Variants in UBQLN1 observed in about 807,000 individuals in gnomAD.
UBQLN1 encodes ubiquilin-1.
Under a neutral mutation model 65.4 loss-of-function variants are expected in UBQLN1, and 13 were observed. The observed-to-expected ratio is 0.20, with a 90% CI of 0.13 to 0.32. UBQLN1 has a LOEUF of 0.32. Among genes scored for constraint, UBQLN1 ranks in the 10% least tolerant of loss-of-function variants. The pLI is 1.00. For synonymous variants in UBQLN1, 267 were observed against 247.8 expected (o/e 1.08, Z -0.73); for missense variants, 561 against 724.0 (o/e 0.77, Z 2.58).
chr9:83,671,598 G>C (rs140299371), intron 6 of UBQLN1, among the ~76,000 whole-genome samples: 1 of 152,088 alleles, frequency 6.6e-6, no homozygotes, highest in Admixed American at 6.5e-5. Context: ...CCTTAGCAAC[G>C]TCTCACCAGT....
At chr9:83,684,765 G>A (rs376149795) in intron 2 of UBQLN1, among the ~76,000 whole-genome samples, 1 of 147,398 alleles carries the variant, frequency 6.8e-6, no homozygotes, top group African/African-American at 2.5e-5. Flanking sequence ...AGCTGAGATC[G>A]CACCGTTGCA....
At position 83,670,476 on chromosome 9, in the gene UBQLN1, T is replaced by C. The variant is rs117608988; in HGVS notation, c.1106-1149A>G. The stretch of plus-strand genomic sequence containing the variant: ...AAAGCAAGTCACACACATTTTTTGG[T>C]TTCCCAGCGCATACAAAAGTTGTTT... On this transcript the variant is annotated intron_variant, in intron 6 of 10. Transcript: ENST00000376395. Among the ~76,000 whole-genome samples the C allele has an allele frequency of 8.9e-3, 1,348 of 152,256 alleles. 14 individuals are homozygous for C. Among genetic ancestry groups the C allele is most frequent in the Non-Finnish European group, 0.015 (1,053 of 68,022 alleles).
At chr9:83,679,669 C>G in intron 4 of UBQLN1, 106 bp downstream of exon 4, 1 of 1,236,422 alleles carries the variant, frequency 8.1e-7, no homozygotes, top group Non-Finnish European at 1.1e-6. Flanking sequence ...AAGGATTTCT[C>G]TCTTTAGCTT....
intron 1 of UBQLN1, among the ~76,000 whole-genome samples, chr9:83,686,706 A>G (rs1757532561): frequency 6.6e-6 from 1 of 152,166 alleles, no homozygotes; most frequent in Non-Finnish European, 1.5e-5. Context: ...AGTTGAATAC[A>G]GTATACACAG....
intron 9 of UBQLN1, 126 bp from the exon 10 acceptor site, chr9:83,664,169 T>G: frequency 1.0e-6 from 1 of 960,988 alleles, no homozygotes; most frequent in Non-Finnish European, 1.5e-6. Context: ...CCTGGTGCAG[T>G]GGCTCATTCT....
At chr9:83,668,283 T>C (rs1032108400) in intron 7 of UBQLN1, 1 of 984,624 alleles carries the variant, frequency 1.0e-6, no homozygotes, top group Non-Finnish European at 1.2e-6. Context: ...TTTTAGAATT[T>C]AGAAAATAAA....
intron 8 of UBQLN1, 67 bp from the exon 9 acceptor site, chr9:83,665,212 T>G (rs1831625222): frequency 8.2e-7 from 1 of 1,224,330 alleles, no homozygotes; most frequent in African/African-American, 1.5e-5. Context: ...TTTTAAATCT[T>G]TTCTCTGTTA....
Position 83,707,675 on chromosome 9 carries a change from G to T in UBQLN1, c.5C>A (p.Ala2Asp). 6.5e-7 allele frequency: 1 copy of T among 1,544,704 alleles called. No homozygotes were observed. Residue 2 changes from alanine to aspartate, a missense_variant, in exon 1 of 11, where the codon GCC becomes GAC. Physicochemically the swap from Ala to Asp is moderately radical, Grantham distance 126. Around this residue, in one of 8 missense-constraint regions of UBQLN1, gnomAD observed 101 missense variants for 104.9 expected, o/e 0.96. Coordinates refer to ENST00000376395, the MANE Select transcript of UBQLN1 (RefSeq NM_013438.5). ...AGGACCGCCGCTTTCACCACTCTCG[G>T]CCATGGCTGTGGCGGCGGCGGCGGC... M[A>D]ESGESGGPPG...
chr9:83,666,238 G>A (rs1329337511), intron 8 of UBQLN1, 112 bp downstream of exon 8: 7 of 938,652 alleles, frequency 7.5e-6, no homozygotes, highest in Non-Finnish European at 1.2e-5. Flanking sequence ...AGCATTATTG[G>A]TCTCTATTCT....
In UBQLN1 at chr9:83,663,990, T is replaced by C; in HGVS notation, c.1502A>G (p.Asn501Ser). 1 of 1,614,146 alleles carries C rather than the reference T, an allele frequency of 6.2e-7. No individual in the cohort carries two copies. The highest frequency in any genetic ancestry group is 8.5e-7 in the Non-Finnish European group (1 of 1,180,000). ...TTCACTAGGTGTGGCGTTAGATCCA[T>C]TAGTTCCCGAAGAGCCTCCAGTGCT... Reference protein sequence around the residue: ...LGSTGGSSGTNGSNATPSENT... With the variant: ...LGSTGGSSGTSGSNATPSENT... The change falls in exon 10 of 11, where the codon AAT becomes AGT. Residue 501 changes from asparagine (N) to serine (S), a missense_variant. Physicochemically the swap from Asn to Ser is conservative, Grantham distance 46 (BLOSUM62 1). Around this residue, in one of 8 missense-constraint regions of UBQLN1, gnomAD observed 68 missense variants for 62.2 expected, o/e 1.09. Coordinates refer to ENST00000376395, the MANE Select transcript of UBQLN1 (RefSeq NM_013438.5).
intron 1 of UBQLN1, among the ~76,000 whole-genome samples, chr9:83,705,246 C>CTTTTTTTTTT (rs57550660): frequency 0.021 from 2,685 of 129,344 alleles, 222 homozygotes; most frequent in African/African-American, 0.079. Flanking sequence ...GCCAGCACTC[C>CTTTTTTTTTT]TTTTTTTTTT....
At chr9:83,669,914 C>T (rs1831703853) in intron 6 of UBQLN1, among the ~76,000 whole-genome samples, 1 of 152,152 alleles carries the variant, frequency 6.6e-6, no homozygotes, top group African/African-American at 2.4e-5. Context: ...TAATCTAACC[C>T]ATGTGATCTT....
At chr9:83,680,257 A>C (rs1221340392) in intron 3 of UBQLN1, among the ~76,000 whole-genome samples, 2 of 152,162 alleles carry the variant, frequency 1.3e-5, no homozygotes, top group Non-Finnish European at 2.9e-5. Context: ...AAATCAACAA[A>C]ATATATTTTC....
chr9:83,667,436 T>A, intron 7 of UBQLN1: 2 of 941,812 alleles, frequency 2.1e-6, no homozygotes, highest in African/African-American at 3.6e-5. Flanking sequence ...GTAGAGAAAA[T>A]TCGCCCCAAT....
chr9:83,676,582 C>T (rs992827177), intron 6 of UBQLN1, among the ~76,000 whole-genome samples: 11 of 151,974 alleles, frequency 7.2e-5, no homozygotes, highest in Non-Finnish European at 1.6e-4. Flanking sequence ...TTTACAAAAC[C>T]TATATTATAA....
In UBQLN1 at chr9:83,661,703, T is replaced by A; in HGVS notation, c.*84A>T. 7.0e-7 allele frequency: 1 copy of A among 1,437,186 alleles called. No individual in the cohort carries two copies. Among genetic ancestry groups the A allele is most frequent in the Non-Finnish European group, 9.4e-7 (1 of 1,063,930 alleles). The allele number at this position is 1,437,186 out of a possible 1,614,324, so 89.0% of individuals were successfully genotyped here. On this transcript the variant is annotated 3_prime_UTR_variant, in exon 11 of 11. Coordinates refer to ENST00000376395, the MANE Select transcript of UBQLN1 (RefSeq NM_013438.5). ...TTATAACAGCACAGAATTCCAAGAG[T>A]CAAAATGAAATAAAGCAGGTATTTT...
chr9:83,672,750 A>T (rs1242064692), intron 6 of UBQLN1, among the ~76,000 whole-genome samples: 1 of 152,240 alleles, frequency 6.6e-6, no homozygotes, highest in Non-Finnish European at 1.5e-5. Flanking sequence ...TGCTGTTGGA[A>T]AAATGGTACT....
chr9:83,662,271 TATACACACACACAC>T (rs1296564494), intron 10 of UBQLN1, among the ~76,000 whole-genome samples: 16 of 102,332 alleles, frequency 1.6e-4, no homozygotes, highest in African/African-American at 4.0e-4. Context: ...TACATATACA[TATACACACACACAC>T]ACACACACAC....
chr9:83,664,784 T>C (rs1434393236), intron 9 of UBQLN1, among the ~76,000 whole-genome samples: 1 of 151,298 alleles, frequency 6.6e-6, no homozygotes, highest in African/African-American at 2.4e-5. Context: ...CTAGGTGTGG[T>C]GGTGCACACC....
Sources: gnomAD v4.1 joint callset for allele counts (sites outside exome capture counted in the v4.1 genomes callset) on GRCh38, gnomAD v4.1.1 for gene constraint, gnomAD v4.1.1 regional missense constraint, MANE v1.5 for transcripts, NCBI Gene and HGNC (gene_info 2026-07-23, HGNC 2026-07-21) for gene names.